TDRD5: variants seen among roughly 807,000 people sequenced by gnomAD.
TDRD5 encodes tudor domain-containing protein 5.
TDRD5 carries 41 observed loss-of-function variants against 120.6 expected under a neutral mutation model. The observed-to-expected ratio is 0.34, with a 90% CI of 0.26 to 0.44. The LOEUF (loss-of-function observed/expected upper bound fraction) is 0.44, where lower values mean the gene tolerates loss of function less well. Ranked by LOEUF, TDRD5 falls within the 20% of genes least tolerant of loss-of-function variation. TDRD5 has a pLI of 1.00. For missense variants in TDRD5, 1,006 were observed against 1,221.2 expected (o/e 0.82, Z 2.63); for synonymous variants, 430 against 433.7 (o/e 0.99, Z 0.11).
At chr1:179,686,891 C>A (rs1680749148) in intron 17 of TDRD5, among the ~76,000 whole-genome samples, 1 of 151,710 alleles carries the variant, frequency 6.6e-6, no homozygotes, top group Admixed American at 6.6e-5. Flanking sequence ...TGGTGATAGC[C>A]CCTTTATCAT....
At chr1:179,604,960 G>C (rs1414863050) in intron 4 of TDRD5, among the ~76,000 whole-genome samples, 4 of 152,136 alleles carry the variant, frequency 2.6e-5, no homozygotes, top group Non-Finnish European at 5.9e-5. Context: ...GTCTACTGCT[G>C]TCAGTGGAGT....
intron 17 of TDRD5, among the ~76,000 whole-genome samples, chr1:179,675,255 T>TTATTATTA (rs1558424028): frequency 4.3e-5 from 5 of 116,458 alleles, no homozygotes; most frequent in Non-Finnish European, 8.3e-5. Flanking sequence ...TCAAAGAATT[T>TTATTATTA]TTATTATTAT....
intron 17 of TDRD5, among the ~76,000 whole-genome samples, chr1:179,676,177 T>C (rs1680136992): frequency 6.6e-6 from 1 of 152,232 alleles, no homozygotes; most frequent in Admixed American, 6.5e-5. Context: ...CTACTCCTGC[T>C]AGCTTTTGGT....
chr1:179,679,626 T>C (rs867776335), intron 17 of TDRD5, among the ~76,000 whole-genome samples: 1 of 152,136 alleles, frequency 6.6e-6, no homozygotes, highest in Non-Finnish European at 1.5e-5. Context: ...CCATTTCATC[T>C]AAACTGTAAA....
chr1:179,681,643 A>G (rs893733089), intron 17 of TDRD5, among the ~76,000 whole-genome samples: 2 of 151,824 alleles, frequency 1.3e-5, no homozygotes, highest in East Asian at 3.9e-4. Flanking sequence ...CAATTATTCA[A>G]CTCTGCTGTT....
chr1:179,593,941 G>T, intron 3 of TDRD5, 74 bp downstream of exon 3: 1 of 1,520,732 alleles, frequency 6.6e-7, no homozygotes, highest in Non-Finnish European at 8.8e-7. Context: ...CTATGAGTTC[G>T]TTAGAGTTGA....
intron 14 of TDRD5, among the ~76,000 whole-genome samples, chr1:179,659,473 A>T (rs1474448574): frequency 6.6e-6 from 1 of 151,450 alleles, no homozygotes; most frequent in Admixed American, 6.6e-5. Flanking sequence ...TCATTATGAA[A>T]TGTCTTTATT....
chr1:179,634,760 A>G, intron 8 of TDRD5, 131 bp downstream of exon 8: 1 of 1,118,874 alleles, frequency 8.9e-7, no homozygotes, highest in Non-Finnish European at 1.2e-6. Context: ...AGAAGAAATC[A>G]TCTTTGTATT....
intron 14 of TDRD5, 60 bp downstream of exon 14, chr1:179,654,422 G>A: frequency 9.1e-6 from 13 of 1,426,146 alleles, no homozygotes; most frequent in Non-Finnish European, 1.2e-5. Context: ...GAATTCATAA[G>A]TGAAGAGGAC....
chr1:179,600,823 G>C (rs1028342793), intron 4 of TDRD5, among the ~76,000 whole-genome samples: 1 of 152,072 alleles, frequency 6.6e-6, no homozygotes, highest in African/African-American at 2.4e-5. Context: ...AAATTTGATA[G>C]GAAAACTCAT....
At chr1:179,594,541 T>A (rs1675284818) in intron 3 of TDRD5, among the ~76,000 whole-genome samples, 1 of 152,256 alleles carries the variant, frequency 6.6e-6, no homozygotes, top group African/African-American at 2.4e-5. Flanking sequence ...GCCCAAATGC[T>A]GTGTCTATTA....
chr1:179,626,417 G>A (rs1021750985), intron 6 of TDRD5, among the ~76,000 whole-genome samples: 1 of 152,130 alleles, frequency 6.6e-6, no homozygotes, highest in African/African-American at 2.4e-5. Flanking sequence ...GGGAGAACTT[G>A]CTGAGGTAAT....
chr1:179,604,567 A>G (rs887759471), intron 4 of TDRD5, among the ~76,000 whole-genome samples: 1 of 152,038 alleles, frequency 6.6e-6, no homozygotes, highest in African/African-American at 2.4e-5. Context: ...AGAGTTTTTG[A>G]TAGACCGTGT....
At position 179,677,170 on chromosome 1, in the gene TDRD5, C is replaced by T. The variant is rs1436848585; in HGVS notation, c.2860+7766C>T. Among the ~76,000 whole-genome samples, 10 of 151,994 alleles carry T rather than the reference C, an allele frequency of 6.6e-5. No homozygotes were observed. The East Asian group carries it at 1.9e-3, about 29-fold the overall frequency. The stretch of plus-strand genomic sequence containing the variant: ...AGCCTTTCCAGTGCATTTTGCATTT[C>T]TCTAAGTGTGTCCTTGATTTCCAGA... On this transcript the variant is annotated intron_variant, in intron 17 of 17. Transcript: ENST00000444136.
chr1:179,607,086 G>A (rs752206109), intron 4 of TDRD5, among the ~76,000 whole-genome samples: 2 of 151,962 alleles, frequency 1.3e-5, no homozygotes, highest in Admixed American at 6.6e-5. Flanking sequence ...ATAATTATCC[G>A]TTTATTTCTT....
At chr1:179,600,786 C>T (rs145482531) in intron 4 of TDRD5, among the ~76,000 whole-genome samples, 3 of 152,270 alleles carry the variant, frequency 2.0e-5, no homozygotes, top group East Asian at 3.9e-4. Flanking sequence ...GCTATAGCTA[C>T]ATCTCCCAAA....
At chr1:179,683,833 T>C (rs1680557140) in intron 17 of TDRD5, among the ~76,000 whole-genome samples, 2 of 152,128 alleles carry the variant, frequency 1.3e-5, no homozygotes, top group Non-Finnish European at 2.9e-5. Context: ...CAGGACTTTC[T>C]TGAAGGAAGC....
At chr1:179,642,977 G>A (rs147521130) in intron 11 of TDRD5, among the ~76,000 whole-genome samples, 2 of 152,304 alleles carry the variant, frequency 1.3e-5, no homozygotes, top group East Asian at 3.9e-4. Context: ...TTTGGAAATG[G>A]CAGAACAGCT....
At position 179,599,733 on chromosome 1, in the gene TDRD5, T is replaced by G. The variant is rs1675600989; in HGVS notation, c.831+3915T>G. On this transcript the variant is annotated intron_variant, in intron 4 of 17. Transcript: ENST00000444136. ...CATATCAGTCTCACTAAAGATTTAT[T>G]CACTTATACACAGTCATGCACCACA... Among the ~76,000 whole-genome samples, 5 of 152,166 alleles carry G rather than the reference T, an allele frequency of 3.3e-5. No homozygotes were observed. In the South Asian group the frequency reaches 1.0e-3, roughly 32 times the overall value.
Sources: allele counts gnomAD v4.1 joint callset (sites outside exome capture counted in the v4.1 genomes callset), GRCh38; gene constraint gnomAD v4.1.1; transcripts MANE v1.5; gene names NCBI Gene and HGNC (gene_info 2026-07-23, HGNC 2026-07-21).